H2AC15: variants seen among roughly 807,000 people sequenced by gnomAD.
H2AC15 encodes H2A clustered histone 15.
In H2AC15, 7 loss-of-function variants were observed where a neutral mutation model predicts 7.8. That is an observed-to-expected ratio of 0.90 (90% confidence interval 0.51 to 1.69). The LOEUF (loss-of-function observed/expected upper bound fraction) is 1.69, where lower values mean the gene tolerates loss of function less well. H2AC15 is among the 40% of genes most tolerant of loss of function. H2AC15 has a pLI of 0.00. For missense variants in H2AC15, 234 were observed against 174.7 expected, an observed-to-expected ratio of 1.34 and a Z score of -1.91; for synonymous variants, 125 against 79.3, an observed-to-expected ratio of 1.58 and a Z score of -3.06.
Position 27,838,086 on chromosome 6 carries a change from T to G in H2AC15, c.254A>C (p.Gln85Pro). 18 of 1,614,214 alleles carry G rather than the reference T, an allele frequency of 1.1e-5. No individual in the cohort carries two copies. Among genetic ancestry groups the G allele is most frequent in the Non-Finnish European group, 1.4e-5 (17 of 1,180,034 alleles). ...KKTRIIPRHLQLAIRNDEELN... is the reference protein window; with the variant it reads ...KKTRIIPRHLPLAIRNDEELN... ...CTCCTCGTCGTTGCGGATGGCCAGC[T>G]GCAAGTGGCGCGGGATGATGCGGGT... The change falls in exon 1 of 1, where the codon CAG (glutamine) becomes CCG (proline). Residue 85 changes from glutamine to proline, a missense_variant. By Grantham distance (76) the Gln-to-Pro change is moderately conservative. Transcript: ENST00000618958.
rs1297881705 is a variant in H2AC15 at position 27,838,008 on chromosome 6, T to C, written c.332A>G (p.Asn111Ser). Residue 111 changes from asparagine (N) to serine (S), a missense_variant, in exon 1 of 1, where the codon AAT (asparagine) becomes AGT (serine). By Grantham distance (46) the Asn-to-Ser change is conservative. Coordinates refer to ENST00000618958, the MANE Select transcript of H2AC15 (RefSeq NM_003510.3). ...VTIAQGGVLP[N>S]IQAVLLPKKT... ...CTTAGGCAGCAGCACGGCCTGGATA[T>C]TGGGCAGGACACCACCCTGGGCGAT... is the stretch of plus-strand genomic sequence containing the variant. The C allele has an allele frequency of 2.5e-6, 4 of 1,614,234 alleles. No homozygotes were observed. Among genetic ancestry groups the C allele is most frequent in the Admixed American group, 1.7e-5 (1 of 60,028 alleles).
Position 27,838,057 on chromosome 6 carries a change from T to C in H2AC15, c.283A>G (p.Asn95Asp). ...ATGGTCACTTTACCAAGCAGCTTGTTGAGCTCCTCGTCGTTGCGGATGGCC... is the reference window on the plus strand; with the variant it reads ...ATGGTCACTTTACCAAGCAGCTTGTCGAGCTCCTCGTCGTTGCGGATGGCC... Reference protein sequence around the residue: ...QLAIRNDEELNKLLGKVTIAQ... With the variant: ...QLAIRNDEELDKLLGKVTIAQ... Residue 95 changes from asparagine to aspartate, a missense_variant, in exon 1 of 1, where the codon AAC (asparagine) becomes GAC (aspartate). Coordinates refer to ENST00000618958, the MANE Select transcript of H2AC15 (RefSeq NM_003510.3). 6.2e-7 allele frequency: 1 copy of C among 1,613,930 alleles called. No individual in the cohort carries two copies. The highest frequency in any genetic ancestry group is 8.5e-7 in the Non-Finnish European group (1 of 1,179,766).
rs1761069258 is a variant in H2AC15, at chr6:27,838,186, G to C, written c.154C>G (p.Leu52Val). The C allele has an allele frequency of 1.2e-6, 2 of 1,614,044 alleles. No homozygotes were observed. Among genetic ancestry groups the C allele is most frequent in the Non-Finnish European group, 1.7e-6 (2 of 1,180,044 alleles). The change falls in exon 1 of 1, where the codon CTG becomes GTG. Residue 52 changes from leucine to valine, a missense_variant. Physicochemically the swap from Leu to Val is conservative, Grantham distance 32. Coordinates refer to ENST00000618958, the MANE Select transcript of H2AC15 (RefSeq NM_003510.3). ...GTTAGGTACTCCAACACCGCCGCCA[G>C]GTACACCGGCGCTCCGGCACCGACC... is the stretch of plus-strand genomic sequence containing the variant. ...ERVGAGAPVY[L>V]AAVLEYLTAE...
In H2AC15 at chr6:27,838,030, C is replaced by A; in HGVS notation, c.310G>T (p.Ala104Ser). 6.2e-7 allele frequency: 1 copy of A among 1,614,222 alleles called. No individual in the cohort carries two copies. The highest frequency in any genetic ancestry group is 8.5e-7 in the Non-Finnish European group (1 of 1,180,038). The change falls in exon 1 of 1, where the codon GCC becomes TCC. Residue 104 changes from alanine to serine, a missense_variant. By Grantham distance (99) the Ala-to-Ser change is moderately conservative. Coordinates refer to ENST00000618958, the MANE Select transcript of H2AC15 (RefSeq NM_003510.3). ...LNKLLGKVTI[A>S]QGGVLPNIQA... ...ATATTGGGCAGGACACCACCCTGGG[C>A]GATGGTCACTTTACCAAGCAGCTTG... is the stretch of plus-strand genomic sequence containing the variant.
chr6:27,837,944 C>A lies in H2AC15; in HGVS notation c.*3G>T. 1.2e-6 allele frequency: 2 copies of A among 1,614,136 alleles called. No individual in the cohort carries two copies. Among genetic ancestry groups the A allele is most frequent in the South Asian group, 2.2e-5 (2 of 91,088 alleles). ...GTATGAGTAATGAACTGCTCCAGCC[C>A]CGCTACTTGCCCTTGGCCTTGTGGT... On this transcript the variant is annotated 3_prime_UTR_variant, in exon 1 of 1. Coordinates refer to ENST00000618958, the MANE Select transcript of H2AC15 (RefSeq NM_003510.3).
chr6:27,838,197 G>C lies in H2AC15; in HGVS notation c.143C>G (p.Ala48Gly), dbSNP rs149494377. 1.9e-6 allele frequency: 3 copies of C among 1,614,052 alleles called. No individual in the cohort carries two copies. The highest frequency in any genetic ancestry group is 3.3e-5 in the Admixed American group (2 of 60,022). Residue 48 changes from alanine (A) to glycine (G), a missense_variant, in exon 1 of 1, where the codon GCG becomes GGG. Transcript: ENST00000618958. ...CAACACCGCCGCCAGGTACACCGGC[G>C]CTCCGGCACCGACCCGCTCAGCGTA... ...GNYAERVGAG[A>G]PVYLAAVLEY...
chr6:27,837,998 G>C lies in H2AC15; in HGVS notation c.342C>G (p.Ala114=), dbSNP rs750141564. 1 of 1,614,196 alleles carries C rather than the reference G, an allele frequency of 6.2e-7. No homozygotes were observed. Among genetic ancestry groups the C allele is most frequent in the Non-Finnish European group, 8.5e-7 (1 of 1,180,028 alleles). Residue 114 remains alanine, a synonymous_variant, in exon 1 of 1, where the codon GCC becomes GCG. Coordinates refer to ENST00000618958, the MANE Select transcript of H2AC15 (RefSeq NM_003510.3). ...TCTCAGTTTTCTTAGGCAGCAGCAC[G>C]GCCTGGATATTGGGCAGGACACCAC... ...AQGGVLPNIQ[A]VLLPKKTESH...
At position 27,838,322 on chromosome 6, in the gene H2AC15, C is replaced by T. The variant is rs1352822129; in HGVS notation, c.18G>A (p.Lys6=). Residue 6 remains lysine, a synonymous_variant, in exon 1 of 1, where the codon AAG becomes AAA. Coordinates refer to ENST00000618958, the MANE Select transcript of H2AC15 (RefSeq NM_003510.3). The part of the protein sequence containing the change: MSGRG[K]QGGKARAKAK... ...CCTTGGCGCGAGCTTTGCCGCCCTG[C>T]TTGCCACGTCCCGACATGACGTAAA... The T allele has an allele frequency of 2.5e-6, 4 of 1,589,406 alleles. No homozygotes were observed. Among genetic ancestry groups the T allele is most frequent in the African/African-American group, 1.3e-5 (1 of 74,234 alleles).
chr6:27,838,006 T>C lies in H2AC15; in HGVS notation c.334A>G (p.Ile112Val), dbSNP rs779586687. The C allele has an allele frequency of 8.1e-6, 13 of 1,614,098 alleles. No individual in the cohort carries two copies. The Admixed American group carries it at 2.0e-4, about 25-fold the overall frequency. Reference protein sequence around the residue: ...TIAQGGVLPNIQAVLLPKKTE... With the variant: ...TIAQGGVLPNVQAVLLPKKTE... Reference sequence around the variant, plus strand: ...TTCTTAGGCAGCAGCACGGCCTGGATATTGGGCAGGACACCACCCTGGGCG... The same window carrying C: ...TTCTTAGGCAGCAGCACGGCCTGGACATTGGGCAGGACACCACCCTGGGCG... Residue 112 changes from isoleucine (I) to valine (V), a missense_variant, in exon 1 of 1, where the codon ATC becomes GTC. By Grantham distance (29) the Ile-to-Val change is conservative. Coordinates refer to ENST00000618958, the MANE Select transcript of H2AC15 (RefSeq NM_003510.3).
At position 27,838,224 on chromosome 6, in the gene H2AC15, T is replaced by C. The variant is rs1042580347; in HGVS notation, c.116A>G (p.Asn39Ser). Residue 39 changes from asparagine (N) to serine (S), a missense_variant, in exon 1 of 1, where the codon AAC (asparagine) becomes AGC (serine). Physicochemically the swap from Asn to Ser is conservative, Grantham distance 46. Transcript: ENST00000618958. ...TCCGGCACCGACCCGCTCAGCGTAG[T>C]TGCCCTTGCGGAGCAGTCGGTGCAC... is the stretch of plus-strand genomic sequence containing the variant. Reference protein sequence around the residue: ...GRVHRLLRKGNYAERVGAGAP... With the variant: ...GRVHRLLRKGSYAERVGAGAP... 8 of 1,613,926 alleles carry C rather than the reference T, an allele frequency of 5.0e-6. No homozygotes were observed. In the African/African-American group the frequency reaches 6.7e-5, roughly 13 times the overall value.
At position 27,838,275 on chromosome 6, in the gene H2AC15, G is replaced by A. The variant is rs1412052935; in HGVS notation, c.65C>T (p.Ala22Val). 4.3e-6 allele frequency: 7 copies of A among 1,612,480 alleles called. No individual in the cohort carries two copies. The highest frequency in any genetic ancestry group is 5.1e-6 in the Non-Finnish European group (6 of 1,178,994). Residue 22 changes from alanine (A) to valine (V), a missense_variant, in exon 1 of 1, where the codon GCG becomes GTG. By Grantham distance (64) the Ala-to-Val change is moderately conservative. Transcript: ENST00000618958. ...RAKAKTRSSR[A>V]GLQFPVGRVH... ...TCGGCCCACTGGGAACTGAAGACCC[G>A]CCCTTGAAGAACGGGTCTTAGCCTT...
chr6:27,837,991 G>A lies in H2AC15; in HGVS notation c.349C>T (p.Leu117=), dbSNP rs758699136. Residue 117 remains leucine (L), a synonymous_variant, in exon 1 of 1, where the codon CTG becomes TTG. Transcript: ENST00000618958. ...TGGTGGCTCTCAGTTTTCTTAGGCA[G>A]CAGCACGGCCTGGATATTGGGCAGG... ...GVLPNIQAVL[L]PKKTESHHKA... The A allele has an allele frequency of 3.7e-6, 6 of 1,614,110 alleles. No homozygotes were observed. Among genetic ancestry groups the A allele is most frequent in the Admixed American group, 3.3e-5 (2 of 60,012 alleles).
chr6:27,838,142 C>T lies in H2AC15; in HGVS notation c.198G>A (p.Leu66=). ...LEYLTAEILE[L]AGNAARDNKK... ...TGTTGTCGCGGGCCGCGTTGCCAGC[C>T]AGTTCCAGGATCTCGGCGGTTAGGT... Residue 66 remains leucine, a synonymous_variant, in exon 1 of 1, where the codon CTG becomes CTA. Coordinates refer to ENST00000618958, the MANE Select transcript of H2AC15 (RefSeq NM_003510.3). 6.2e-7 allele frequency: 1 copy of T among 1,614,194 alleles called. No homozygotes were observed. The highest frequency in any genetic ancestry group is 1.1e-5 in the South Asian group (1 of 91,082).
rs774104828 is a variant in H2AC15 at position 27,838,292 on chromosome 6, C to G, written c.48G>C (p.Lys16Asn). The G allele has an allele frequency of 1.2e-5, 20 of 1,607,208 alleles. No homozygotes were observed. Among genetic ancestry groups the G allele is most frequent in the South Asian group, 8.8e-5 (8 of 90,668 alleles). The change falls in exon 1 of 1, where the codon AAG becomes AAC. Residue 16 changes from lysine (K) to asparagine (N), a missense_variant. Physicochemically the swap from Lys to Asn is moderately conservative, Grantham distance 94. Transcript: ENST00000618958. ...GAAGACCCGCCCTTGAAGAACGGGT[C>G]TTAGCCTTGGCGCGAGCTTTGCCGC... ...KQGGKARAKA[K>N]TRSSRAGLQF...
chr6:27,837,891 G>GA lies in H2AC15; in HGVS notation c.*55dup. ...ACTTGGTGAAAAAGTAGGTGGCTCT[G>GA]AAAAGAACCTTTTTGGTTTGGACCG... On this transcript the variant is annotated 3_prime_UTR_variant, in exon 1 of 1. Transcript: ENST00000618958. 1 of 1,587,078 alleles carries GA rather than the reference G, an allele frequency of 6.3e-7. No homozygotes were observed. Among genetic ancestry groups the GA allele is most frequent in the Non-Finnish European group, 8.6e-7 (1 of 1,165,214 alleles).
rs761177951 is a variant in H2AC15 at position 27,838,229 on chromosome 6, C to T, written c.111G>A (p.Lys37=). The T allele has an allele frequency of 6.2e-7, 1 of 1,614,040 alleles. No homozygotes were observed. ...PVGRVHRLLR[K]GNYAERVGAG... is the part of the protein sequence containing the mutation. ...CACCGACCCGCTCAGCGTAGTTGCC[C>T]TTGCGGAGCAGTCGGTGCACTCGGC... Residue 37 remains lysine, a synonymous_variant, in exon 1 of 1, where the codon AAG becomes AAA. Coordinates refer to ENST00000618958, the MANE Select transcript of H2AC15 (RefSeq NM_003510.3).
At position 27,838,190 on chromosome 6, in the gene H2AC15, C is replaced by T. The variant is rs764966750; in HGVS notation, c.150G>A (p.Val50=). The change falls in exon 1 of 1, where the codon GTG becomes GTA. Residue 50 remains valine (V), a synonymous_variant. Coordinates refer to ENST00000618958, the MANE Select transcript of H2AC15 (RefSeq NM_003510.3). The part of the protein sequence containing the change: ...YAERVGAGAP[V]YLAAVLEYLT... ...GGTACTCCAACACCGCCGCCAGGTA[C>T]ACCGGCGCTCCGGCACCGACCCGCT... The T allele has an allele frequency of 9.3e-6, 15 of 1,614,032 alleles. No homozygotes were observed. Among genetic ancestry groups the T allele is most frequent in the Middle Eastern group, 3.3e-4 (2 of 6,082 alleles).
rs1326204247 is a variant in H2AC15 at position 27,838,233 on chromosome 6, C to A, written c.107G>T (p.Arg36Leu). ...FPVGRVHRLL[R>L]KGNYAERVGA... ...GACCCGCTCAGCGTAGTTGCCCTTG[C>A]GGAGCAGTCGGTGCACTCGGCCCAC... The change falls in exon 1 of 1, where the codon CGC becomes CTC. Residue 36 changes from arginine to leucine, a missense_variant. Arg to Leu is a moderately radical substitution (Grantham distance 102). Transcript: ENST00000618958. 1.2e-6 allele frequency: 2 copies of A among 1,614,020 alleles called. No individual in the cohort carries two copies. The highest frequency in any genetic ancestry group is 1.7e-6 in the Non-Finnish European group (2 of 1,179,988).
At position 27,838,240 on chromosome 6, in the gene H2AC15, G is replaced by A. The variant is rs761731799; in HGVS notation, c.100C>T (p.Leu34=). The change falls in exon 1 of 1, where the codon CTG becomes TTG. Residue 34 remains leucine, a synonymous_variant. Transcript: ENST00000618958. ...LQFPVGRVHR[L]LRKGNYAERV... is the part of the protein sequence containing the mutation. ...TCAGCGTAGTTGCCCTTGCGGAGCA[G>A]TCGGTGCACTCGGCCCACTGGGAAC... 43 of 1,613,890 alleles carry A rather than the reference G, an allele frequency of 2.7e-5. No individual in the cohort carries two copies. The highest frequency in any genetic ancestry group is 3.5e-5 in the Non-Finnish European group (41 of 1,179,986).
Sources: allele counts gnomAD v4.1 joint callset, GRCh38; gene constraint gnomAD v4.1.1; transcripts MANE v1.5; gene names NCBI Gene and HGNC (gene_info 2026-07-23, HGNC 2026-07-21).